Variants in COG5 observed in about 807,000 individuals in gnomAD.
The protein encoded by COG5 is component of oligomeric golgi complex 5.
In COG5, 86 loss-of-function variants were observed where a neutral mutation model predicts 110.4. The observed-to-expected ratio is 0.78, with a 90% CI of 0.65 to 0.93. COG5 has a LOEUF of 0.93. Ranked by LOEUF, COG5 falls within the 40% of genes least tolerant of loss-of-function variation. COG5 has a pLI of 0.00. For missense variants in COG5, 1,077 were observed against 987.0 expected, an observed-to-expected ratio of 1.09 and a Z score of -1.22; for synonymous variants, 360 against 334.6, an observed-to-expected ratio of 1.08 and a Z score of -0.83.
chr7:107,208,926 A>T (rs1202774774), intron 21 of COG5: 2 of 985,250 alleles, frequency 2.0e-6, no homozygotes, highest in Non-Finnish European at 2.4e-6. Context: ...GCAGGGGTTC[A>T]CGCCCTTGGC....
At chr7:107,464,142 C>T (rs1379431504) in intron 6 of COG5, among the ~76,000 whole-genome samples, 1 of 152,122 alleles carries the variant, frequency 6.6e-6, no homozygotes, top group African/African-American at 2.4e-5. Flanking sequence ...AGCTATGTAC[C>T]AGTCAGCAAG....
At chr7:107,410,895 G>C (rs987821913) in intron 7 of COG5, among the ~76,000 whole-genome samples, 4 of 152,190 alleles carry the variant, frequency 2.6e-5, no homozygotes, top group African/African-American at 9.7e-5. Context: ...CGTTGATAAG[G>C]AGGGAAAGAT....
At chr7:107,501,914 G>A (rs1372620261) in intron 6 of COG5, among the ~76,000 whole-genome samples, 1 of 152,032 alleles carries the variant, frequency 6.6e-6, no homozygotes, top group Non-Finnish European at 1.5e-5. Context: ...CATTAACTAT[G>A]AAGAAGTTGT....
intron 14 of COG5, among the ~76,000 whole-genome samples, chr7:107,263,852 T>G (rs148841181): frequency 1.6e-3 from 241 of 152,258 alleles, no homozygotes; most frequent in African/African-American, 5.5e-3. Flanking sequence ...TTTATATAAC[T>G]GTTAATCTGC....
chr7:107,556,009 G>A (rs1803288673), intron 2 of COG5, among the ~76,000 whole-genome samples: 1 of 146,260 alleles, frequency 6.8e-6, no homozygotes, highest in Non-Finnish European at 1.5e-5. Context: ...GCAAGACTCT[G>A]TCTCAAAGAA....
intron 17 of COG5, among the ~76,000 whole-genome samples, chr7:107,242,611 T>C (rs975156997): frequency 6.6e-6 from 1 of 152,184 alleles, no homozygotes; most frequent in Non-Finnish European, 1.5e-5. Context: ...CCTGGATTAA[T>C]GAAGGAGCAA....
At chr7:107,401,001 A>C (rs1447867562) in intron 7 of COG5, among the ~76,000 whole-genome samples, 4 of 152,190 alleles carry the variant, frequency 2.6e-5, no homozygotes, top group Admixed American at 6.5e-5. Context: ...TCAATTATTT[A>C]AAGCAGGGAT....
chr7:107,510,778 C>A (rs1799439548), intron 6 of COG5, among the ~76,000 whole-genome samples: 1 of 152,166 alleles, frequency 6.6e-6, no homozygotes, highest in Admixed American at 6.5e-5. Flanking sequence ...ACTGAACAAC[C>A]TGCTCCAGAA....
chr7:107,346,368 C>T (rs898896766), intron 10 of COG5, among the ~76,000 whole-genome samples: 2 of 151,952 alleles, frequency 1.3e-5, no homozygotes, highest in Non-Finnish European at 2.9e-5. Context: ...ACAACTGTGA[C>T]TGGAAAGGAA....
At chr7:107,232,405 C>G (rs974031960) in intron 18 of COG5, among the ~76,000 whole-genome samples, 9 of 152,198 alleles carry the variant, frequency 5.9e-5, no homozygotes, top group African/African-American at 2.2e-4. Context: ...AAATACCTCT[C>G]TCTATATAAT....
intron 6 of COG5, among the ~76,000 whole-genome samples, chr7:107,455,123 T>C (rs923445789): frequency 3.3e-5 from 5 of 152,190 alleles, no homozygotes; most frequent in Non-Finnish European, 7.3e-5. Flanking sequence ...GCTGTCGTGG[T>C]GGATGGCATG....
intron 3 of COG5, among the ~76,000 whole-genome samples, chr7:107,552,258 G>A (rs1802954965): frequency 6.6e-6 from 1 of 152,034 alleles, no homozygotes; most frequent in Non-Finnish European, 1.5e-5. Flanking sequence ...TCTCAAAAAT[G>A]CATAAAAATA....
At chr7:107,413,955 A>G (rs1792505462) in intron 6 of COG5, among the ~76,000 whole-genome samples, 1 of 152,240 alleles carries the variant, frequency 6.6e-6, no homozygotes, top group South Asian at 2.1e-4. Flanking sequence ...CCGGTAAAAC[A>G]GAATTAAAAT....
intron 6 of COG5, among the ~76,000 whole-genome samples, chr7:107,486,077 G>A (rs1354924365): frequency 6.6e-6 from 1 of 151,960 alleles, no homozygotes; most frequent in Non-Finnish European, 1.5e-5. Flanking sequence ...TATGAATGTA[G>A]AAACAGACAG....
chr7:107,465,645 C>A (rs1293028822), intron 6 of COG5, among the ~76,000 whole-genome samples: 2 of 152,060 alleles, frequency 1.3e-5, no homozygotes, highest in African/African-American at 2.4e-5. Context: ...GCTGAATATA[C>A]CTGGCAGAAA....
At chr7:107,563,699 T>A (rs1037796605) in intron 1 of COG5, 104 bp downstream of exon 1, 1 of 1,374,818 alleles carries the variant, frequency 7.3e-7, no homozygotes, top group East Asian at 2.3e-5. Flanking sequence ...ACGTCCAGAC[T>A]GGAAAACTTT....
chr7:107,460,917 G>A (rs1389970440), intron 6 of COG5, among the ~76,000 whole-genome samples: 1 of 151,848 alleles, frequency 6.6e-6, no homozygotes, highest in East Asian at 1.9e-4. Flanking sequence ...TAGAAAATAT[G>A]AATCTATTAT....
At chr7:107,426,526 C>T (rs1361827741) in intron 6 of COG5, among the ~76,000 whole-genome samples, 3 of 152,114 alleles carry the variant, frequency 2.0e-5, no homozygotes, top group Non-Finnish European at 2.9e-5. Context: ...TAAGGTCTCT[C>T]TTCTGGGCTG....
At chr7:107,243,844 C>G (rs1405255968) in intron 17 of COG5, among the ~76,000 whole-genome samples, 2 of 152,130 alleles carry the variant, frequency 1.3e-5, no homozygotes, top group African/African-American at 4.8e-5. Flanking sequence ...ACAATAAAAA[C>G]AGAAGTCAAG....
Sources: gnomAD v4.1 joint callset for allele counts (sites outside exome capture counted in the v4.1 genomes callset) on GRCh38, gnomAD v4.1.1 for gene constraint, MANE v1.5 for transcripts, NCBI Gene and HGNC (gene_info 2026-07-23, HGNC 2026-07-21) for gene names.